The following ADAMTSL1 variants were observed in gnomAD, a reference collection of about 807,000 sequenced individuals.
The protein encoded by ADAMTSL1 is ADAMTS-like protein 1.
ADAMTSL1 carries 126 observed loss-of-function variants against 201.8 expected under a neutral mutation model. The observed-to-expected ratio is 0.62, with a 90% CI of 0.54 to 0.72. ADAMTSL1 has a LOEUF of 0.72. Ranked by LOEUF, ADAMTSL1 falls within the 30% of genes least tolerant of loss-of-function variation. The pLI, the probability that ADAMTSL1 is intolerant of heterozygous loss-of-function variation, is 0.00. For missense variants in ADAMTSL1, 2,679 were observed against 2,277.8 expected (o/e 1.18, Z -3.59); for synonymous variants, 1,121 against 903.4 (o/e 1.24, Z -4.32).
intron 1 of ADAMTSL1, among the ~76,000 whole-genome samples, chr9:17,999,515 A>T (rs1190968594): frequency 6.6e-6 from 1 of 151,088 alleles, no homozygotes; most frequent in Admixed American, 6.6e-5. Flanking sequence ...TATTAATACT[A>T]TGCTCTATTG....
chr9:18,023,530 A>G (rs771852500), intron 1 of ADAMTSL1, among the ~76,000 whole-genome samples: 4 of 152,190 alleles, frequency 2.6e-5, no homozygotes, highest in Non-Finnish European at 5.9e-5. Context: ...TTTAATCTTC[A>G]GGAAATGCCC....
At chr9:18,018,241 AC>A (rs1820337759) in intron 1 of ADAMTSL1, among the ~76,000 whole-genome samples, 1 of 152,112 alleles carries the variant, frequency 6.6e-6, no homozygotes, top group South Asian at 2.1e-4. Context: ...ATAAGAGCCC[AC>A]TTATATGGTA....
At chr9:18,073,636 A>C (rs548968797) in intron 1 of ADAMTSL1, among the ~76,000 whole-genome samples, 21 of 152,166 alleles carry the variant, frequency 1.4e-4, no homozygotes, top group Non-Finnish European at 2.8e-4. Context: ...TTCACGTATA[A>C]CTATATCATG....
chr9:18,076,253 T>G (rs141484945), intron 1 of ADAMTSL1, among the ~76,000 whole-genome samples: 1,969 of 152,264 alleles, frequency 0.013, 26 homozygotes, highest in Non-Finnish European at 0.021. Context: ...TTTATGAAAT[T>G]TAGGTCATTA....
chr9:18,270,763 C>T (rs1450210392), intron 2 of ADAMTSL1, among the ~76,000 whole-genome samples: 1 of 152,146 alleles, frequency 6.6e-6, no homozygotes, highest in East Asian at 1.9e-4. Flanking sequence ...AACTCTTCAG[C>T]CAAGGACCAC....
At chr9:18,700,670 C>T (rs760866636) in intron 13 of ADAMTSL1, among the ~76,000 whole-genome samples, 24 of 152,120 alleles carry the variant, frequency 1.6e-4, no homozygotes, top group Non-Finnish European at 2.5e-4. Context: ...TATGGAATTA[C>T]ATATTTTACC....
intron 23 of ADAMTSL1, among the ~76,000 whole-genome samples, chr9:18,838,922 T>A (rs1426869728): frequency 1.3e-5 from 2 of 151,384 alleles, no homozygotes; most frequent in Non-Finnish European, 2.9e-5. Flanking sequence ...TACATGTGGC[T>A]TAATAAAAAC....
At chr9:18,860,581 G>T (rs1588255946) in intron 23 of ADAMTSL1, among the ~76,000 whole-genome samples, 1 of 151,770 alleles carries the variant, frequency 6.6e-6, no homozygotes, top group East Asian at 1.9e-4. Flanking sequence ...TGACTACTTT[G>T]TTTTTAATAA....
chr9:18,727,763 T>A (rs2133461151), intron 15 of ADAMTSL1, among the ~76,000 whole-genome samples: 1 of 152,342 alleles, frequency 6.6e-6, no homozygotes, highest in Admixed American at 6.5e-5. Flanking sequence ...CAATCTTGAA[T>A]CTGTGAGAAA....
chr9:18,581,537 T>TATC (rs1224305662), intron 4 of ADAMTSL1, among the ~76,000 whole-genome samples: 2 of 152,290 alleles, frequency 1.3e-5, no homozygotes, highest in Admixed American at 1.3e-4. Flanking sequence ...TCTAAAATAT[T>TATC]ATCAACTCAG....
chr9:18,305,240 G>A (rs1833864952), intron 2 of ADAMTSL1, among the ~76,000 whole-genome samples: 2 of 152,300 alleles, frequency 1.3e-5, no homozygotes, highest in South Asian at 2.1e-4. Flanking sequence ...GGCTGCCTAC[G>A]CCACCAGGGT....
intron 3 of ADAMTSL1, among the ~76,000 whole-genome samples, chr9:18,553,212 T>TC (rs1299495104): frequency 2.0e-5 from 3 of 146,684 alleles, no homozygotes; most frequent in Admixed American, 2.0e-4. Flanking sequence ...GTCCCAGTCT[T>TC]TTTTTTTTTT....
At chr9:18,818,861 G>C (rs1378781391) in intron 21 of ADAMTSL1, among the ~76,000 whole-genome samples, 3 of 152,084 alleles carry the variant, frequency 2.0e-5, no homozygotes, top group African/African-American at 7.2e-5. Context: ...CCTTTGTAAA[G>C]CTTCTCATGG....
intron 2 of ADAMTSL1, among the ~76,000 whole-genome samples, chr9:18,448,059 G>A (rs1587244877): frequency 6.6e-6 from 1 of 152,124 alleles, no homozygotes; most frequent in Middle Eastern, 3.4e-3. Context: ...CTGCCATAAA[G>A]TATTTGCCCA....
At position 18,328,594 on chromosome 9, in the gene ADAMTSL1, G is replaced by A. The variant is rs986333559; in HGVS notation, c.207+164613G>A. Among the ~76,000 whole-genome samples, 7 of 152,152 alleles carry A rather than the reference G, an allele frequency of 4.6e-5. No homozygotes were observed. The South Asian group carries it at 1.5e-3, about 32-fold the overall frequency. On this transcript the variant is annotated intron_variant, in intron 2 of 29. Coordinates refer to the ADAMTSL1 transcript ENST00000680146. ...GGGATAGAGAACATGTGGCAGAGCT[G>A]GGCTATGAAAACAAGCAGTCTGGCA...
intron 7 of ADAMTSL1, among the ~76,000 whole-genome samples, chr9:18,651,952 C>A (rs888319608): frequency 1.3e-5 from 2 of 151,838 alleles, no homozygotes. Context: ...ATGATTGATA[C>A]ATGAGGCAGA....
chr9:18,068,982 G>A (rs1822834058), intron 1 of ADAMTSL1, among the ~76,000 whole-genome samples: 1 of 152,156 alleles, frequency 6.6e-6, no homozygotes, highest in Admixed American at 6.5e-5. Flanking sequence ...ATAAATAGGA[G>A]TTTACCAGAT....
At chr9:18,003,239 C>T (rs995774719) in intron 1 of ADAMTSL1, among the ~76,000 whole-genome samples, 5 of 151,902 alleles carry the variant, frequency 3.3e-5, no homozygotes, top group African/African-American at 9.7e-5. Context: ...TTTTGACCTG[C>T]GTGTAGAGCT....
chr9:18,014,185 A>C (rs545765425), intron 1 of ADAMTSL1, among the ~76,000 whole-genome samples: 2 of 152,066 alleles, frequency 1.3e-5, no homozygotes, highest in South Asian at 4.1e-4. Context: ...TGTGTGCCCC[A>C]GGAAGTGCCC....
Sources: allele counts gnomAD v4.1 joint callset (sites outside exome capture counted in the v4.1 genomes callset), GRCh38; gene constraint gnomAD v4.1.1; transcripts MANE v1.5; gene names NCBI Gene and HGNC (gene_info 2026-07-23, HGNC 2026-07-21).